Variants in FGGY observed in about 807,000 individuals in gnomAD.
FGGY encodes FGGY carbohydrate kinase domain containing.
FGGY carries 72 observed loss-of-function variants against 71.3 expected under a neutral mutation model. The observed-to-expected ratio is 1.01, with a 90% confidence interval of 0.84 to 1.23. FGGY has a LOEUF of 1.23. FGGY is among the 50% of genes most tolerant of loss of function. The pLI, the probability that FGGY is intolerant of heterozygous loss-of-function variation, is 0.00. For synonymous variants in FGGY, 251 were observed against 250.3 expected, an observed-to-expected ratio of 1.00 and a Z score of -0.02; for missense variants, 668 against 682.3, an observed-to-expected ratio of 0.98 and a Z score of 0.23.
chr1:59,416,799 C>G (rs1216874149), intron 5 of FGGY, among the ~76,000 whole-genome samples: 1 of 152,086 alleles, frequency 6.6e-6, no homozygotes, highest in African/African-American at 2.4e-5. Flanking sequence ...TCTTCTCTTC[C>G]TACTATACTT....
At chr1:59,453,477 C>T (rs576922513) in intron 5 of FGGY, among the ~76,000 whole-genome samples, 1 of 152,270 alleles carries the variant, frequency 6.6e-6, no homozygotes, top group Non-Finnish European at 1.5e-5. Flanking sequence ...TTATTTGACT[C>T]ATGGACAGCT....
chr1:59,407,538 A>C (rs1231859128), intron 5 of FGGY, among the ~76,000 whole-genome samples: 1 of 152,222 alleles, frequency 6.6e-6, no homozygotes. Flanking sequence ...GAACCTGACT[A>C]GCTCATCCAC....
chr1:59,547,028 C>T (rs1352397224), intron 7 of FGGY, among the ~76,000 whole-genome samples: 1 of 147,572 alleles, frequency 6.8e-6, no homozygotes, highest in Non-Finnish European at 1.5e-5. Context: ...TCTCGATTCA[C>T]TGCATCCTCC....
intron 10 of FGGY, among the ~76,000 whole-genome samples, chr1:59,635,808 A>G (rs1388870198): frequency 6.6e-6 from 1 of 152,208 alleles, no homozygotes; most frequent in East Asian, 1.9e-4. Flanking sequence ...TCCTGAAGCC[A>G]TAATAGAATC....
chr1:59,613,729 A>G (rs1318412895), intron 9 of FGGY, among the ~76,000 whole-genome samples: 1 of 152,212 alleles, frequency 6.6e-6, no homozygotes, highest in African/African-American at 2.4e-5. Flanking sequence ...TGAAAAGATC[A>G]ACAAAATTGA....
intron 7 of FGGY, among the ~76,000 whole-genome samples, chr1:59,534,866 A>G (rs921304233): frequency 3.7e-4 from 56 of 152,182 alleles, no homozygotes; most frequent in African/African-American, 1.3e-3. Flanking sequence ...AGTACCAGCC[A>G]CTGCAAAATC....
At chr1:59,627,432 G>A (rs1386691105) in intron 10 of FGGY, among the ~76,000 whole-genome samples, 1 of 133,916 alleles carries the variant, frequency 7.5e-6, no homozygotes, top group African/African-American at 2.7e-5. Context: ...GAACCTCATG[G>A]TGTCAATATC....
Position 59,381,077 on chromosome 1 carries a change from G to A in FGGY, c.554+2240G>A, listed in dbSNP as rs1208747717. Among the ~76,000 whole-genome samples the A allele has an allele frequency of 2.6e-5, 4 of 152,092 alleles. No individual in the cohort carries two copies. In the East Asian group the frequency reaches 7.7e-4, roughly 29 times the overall value. ...CTTTCCCCATTTCTTGTTTTTCTCA[G>A]GTTTGTCAAAGATCAGATGGTTGTA... On this transcript the variant is annotated intron_variant, in intron 5 of 15. Transcript: ENST00000303721.
At chr1:59,755,448 G>A (rs1291115040) in intron 14 of FGGY, 3 of 152,186 alleles carry the variant, frequency 2.0e-5, no homozygotes, top group Non-Finnish European at 4.4e-5. Context: ...TAAACGCTAT[G>A]ATAGACGGAA....
At position 59,621,866 on chromosome 1, in the gene FGGY, A is replaced by C. The variant is rs555147233; in HGVS notation, c.1012-4122A>C. On this transcript the variant is annotated intron_variant, in intron 9 of 15. Transcript: ENST00000303721. ...AAGTTTGGGAAATTTTCAGCATTTA[A>C]TTTTTTTTTGTTTGTTTCTTCTCCT... Among the ~76,000 whole-genome samples, 8 of 150,894 alleles carry C rather than the reference A, an allele frequency of 5.3e-5. No homozygotes were observed. In the South Asian group the frequency reaches 1.7e-3, roughly 32 times the overall value.
At chr1:59,405,598 T>C (rs1022221616) in intron 5 of FGGY, among the ~76,000 whole-genome samples, 3 of 152,124 alleles carry the variant, frequency 2.0e-5, no homozygotes, top group African/African-American at 7.2e-5. Flanking sequence ...GAGCATAAAA[T>C]AAGATTTTTT....
In FGGY at chr1:59,417,241, T is replaced by C. The variant is rs369512014; in HGVS notation, c.554+38404T>C. On this transcript the variant is annotated intron_variant, in intron 5 of 15. Transcript: ENST00000303721. ...ATTTTTTCAGGGTTCATCTATGTTG[T>C]AGTATGTGCCAGTAATTTTTTTATC... Among the ~76,000 whole-genome samples the C allele has an allele frequency of 1.1e-4, 16 of 151,170 alleles. 1 individual carries two copies. In the East Asian group the frequency reaches 1.4e-3, roughly 13 times the overall value.
intron 5 of FGGY, among the ~76,000 whole-genome samples, chr1:59,384,849 A>G (rs2059901024): frequency 6.6e-6 from 1 of 152,172 alleles, no homozygotes; most frequent in African/African-American, 2.4e-5. Context: ...TTTCTAGAGT[A>G]AGGAAGATGA....
intron 5 of FGGY, among the ~76,000 whole-genome samples, chr1:59,422,708 A>T (rs1369824618): frequency 1.3e-5 from 2 of 152,078 alleles, no homozygotes; most frequent in Non-Finnish European, 2.9e-5. Flanking sequence ...AAAAAAAAAA[A>T]AAGGTTACTT....
intron 6 of FGGY, among the ~76,000 whole-genome samples, chr1:59,507,717 G>GTTTTT (rs1161878195): frequency 3.7e-5 from 3 of 80,208 alleles, no homozygotes; most frequent in South Asian, 3.3e-4. Context: ...TGTATTTTTA[G>GTTTTT]TAGAGACGGG....
At chr1:59,671,981 A>G (rs1191799884) in intron 13 of FGGY, among the ~76,000 whole-genome samples, 1 of 151,982 alleles carries the variant, frequency 6.6e-6, no homozygotes, top group African/African-American at 2.4e-5. Context: ...CCTGCTCACA[A>G]CTCAGGGAGC....
intron 14 of FGGY, among the ~76,000 whole-genome samples, chr1:59,730,255 A>G (rs573861348): frequency 3.2e-4 from 48 of 150,428 alleles, no homozygotes; most frequent in Admixed American, 4.6e-4. Flanking sequence ...TTGTCCTGTA[A>G]CCTCAGTTCT....
intron 5 of FGGY, among the ~76,000 whole-genome samples, chr1:59,412,647 A>G (rs535183527): frequency 5.9e-5 from 9 of 152,064 alleles, no homozygotes; most frequent in Non-Finnish European, 1.2e-4. Context: ...ATTCCAATTC[A>G]TTCATTCATT....
intron 1 of FGGY, among the ~76,000 whole-genome samples, chr1:59,301,782 C>G (rs1222696137): frequency 7.4e-6 from 1 of 135,232 alleles, no homozygotes; most frequent in Non-Finnish European, 1.5e-5. Flanking sequence ...GGCGTGATCT[C>G]GGCTCACTGC....
Sources: gnomAD v4.1 joint callset for allele counts (sites outside exome capture counted in the v4.1 genomes callset) on GRCh38, gnomAD v4.1.1 for gene constraint, MANE v1.5 for transcripts, NCBI Gene and HGNC (gene_info 2026-07-23, HGNC 2026-07-21) for gene names.